SPIRE1: variants seen among roughly 807,000 people sequenced by gnomAD.
SPIRE1 encodes spire type actin nucleation factor 1.
A neutral mutation model predicts 94.1 loss-of-function variants in SPIRE1; 40 were observed. That is an observed-to-expected ratio of 0.43 (90% CI 0.33 to 0.55). The LOEUF (loss-of-function observed/expected upper bound fraction) is 0.55, where lower values mean the gene tolerates loss of function less well. Among genes scored for constraint, SPIRE1 ranks in the 20% least tolerant of loss-of-function variants. The probability of loss-of-function intolerance (pLI) is 0.06; values close to 1 mark genes in which losing one functional copy is unlikely to be tolerated. For missense variants in SPIRE1, 838 were observed against 975.2 expected, an observed-to-expected ratio of 0.86 and a Z score of 1.87; for synonymous variants, 376 against 371.7, an observed-to-expected ratio of 1.01 and a Z score of -0.13.
Position 12,546,808 on chromosome 18 carries a change from T to A in SPIRE1, c.469A>T (p.Ile157Phe). The A allele has an allele frequency of 6.2e-7, 1 of 1,614,138 alleles. No individual in the cohort carries two copies. The highest frequency in any genetic ancestry group is 8.5e-7 in the Non-Finnish European group (1 of 1,180,010). The stretch of plus-strand genomic sequence containing the variant: ...TCCACCGTGTTGGCCATGTGATCGA[T>A]AAGCTGCTCTAGGGGAGGGCTTAAT... ...RELSPPLEQL[I>F]DHMANTVEAD... is the part of the protein sequence containing the mutation. The change falls in exon 3 of 17, where the codon ATC becomes TTC. Residue 157 changes from isoleucine to phenylalanine, a missense_variant. Ile to Phe is a conservative substitution (Grantham distance 21). This residue lies in a region of SPIRE1 where 645 missense variants were observed against 804.7 expected (regional missense o/e 0.80). Coordinates refer to ENST00000409402, the MANE Select transcript of SPIRE1 (RefSeq NM_001128626.2).
chr18:12,615,345 A>ATAAAAAATAAAAAAATAT, intron 2 of SPIRE1, among the ~76,000 whole-genome samples: 1 of 17,244 alleles, frequency 5.8e-5, no homozygotes, highest in South Asian at 2.7e-3. Context: ...AAAAAAAAAA[A>ATAAAAAATAAAAAAATAT]ATATATATAT....
At chr18:12,486,065 C>CA in intron 8 of SPIRE1, 65 bp from the exon 9 acceptor site, 1 of 1,261,510 alleles carries the variant, frequency 7.9e-7, no homozygotes, top group Non-Finnish European at 1.1e-6. Context: ...ACAGAGAGGA[C>CA]AAAAAAGGGA....
At chr18:12,534,008 C>A (rs2144190667) in intron 4 of SPIRE1, among the ~76,000 whole-genome samples, 1 of 151,780 alleles carries the variant, frequency 6.6e-6, no homozygotes, top group Non-Finnish European at 1.5e-5. Flanking sequence ...CTTTTTTCCA[C>A]TCTGTTGACA....
intron 1 of SPIRE1, among the ~76,000 whole-genome samples, chr18:12,654,962 AG>A (rs1446585858): frequency 1.3e-5 from 2 of 151,646 alleles, no homozygotes; most frequent in African/African-American, 4.8e-5. Context: ...CAGGAGGCAG[AG>A]GTTGCAGTGA....
chr18:12,449,592 C>T lies in SPIRE1; in HGVS notation c.*46G>A, dbSNP rs751472693. The T allele has an allele frequency of 2.5e-6, 4 of 1,588,514 alleles. No individual in the cohort carries two copies. The Admixed American group carries it at 6.9e-5, about 28-fold the overall frequency. ...GCCAGCCCGGCTCAGTGTCCTCGCG[C>T]ACGGACGCTGACTCGTAGCACAAAA... On this transcript the variant is annotated 3_prime_UTR_variant, in exon 17 of 17. Coordinates refer to ENST00000409402, the MANE Select transcript of SPIRE1 (RefSeq NM_001128626.2).
At chr18:12,508,304 G>T (rs948394708) in intron 5 of SPIRE1, among the ~76,000 whole-genome samples, 4 of 152,078 alleles carry the variant, frequency 2.6e-5, no homozygotes, top group African/African-American at 9.7e-5. Flanking sequence ...TTAAAAAAAT[G>T]TTGGGTTTGG....
At chr18:12,596,915 C>T (rs1157774140) in intron 2 of SPIRE1, among the ~76,000 whole-genome samples, 1 of 145,852 alleles carries the variant, frequency 6.9e-6, no homozygotes, top group Non-Finnish European at 1.5e-5. Context: ...TTTCCTCCTT[C>T]ACCTGCACTG....
At chr18:12,486,197 G>A (rs1450977725) in intron 8 of SPIRE1, among the ~76,000 whole-genome samples, 197 bp from the exon 9 acceptor site, 2 of 152,128 alleles carry the variant, frequency 1.3e-5, no homozygotes, top group African/African-American at 4.8e-5. Flanking sequence ...ATATCACTAA[G>A]ACTTCAAATG....
At chr18:12,658,275 CAGAGTCGCAGGCGGTG>C (rs1234892183), upstream of SPIRE1, 13 of 454,360 alleles carry the variant, frequency 2.9e-5, no homozygotes, top group Non-Finnish European at 5.6e-5. Context: ...GCAGGGCTCT[CAGAGTCGCAGGCGGTG>C]ACGCCCGGTC....
At chr18:12,495,277 A>C (rs1052824946) in intron 7 of SPIRE1, among the ~76,000 whole-genome samples, 15 of 152,226 alleles carry the variant, frequency 9.9e-5, no homozygotes, top group African/African-American at 3.6e-4. Flanking sequence ...GTTCCAACAG[A>C]TTAGAATATT....
chr18:12,557,135 G>A (rs544115304), intron 2 of SPIRE1, among the ~76,000 whole-genome samples: 21 of 152,328 alleles, frequency 1.4e-4, no homozygotes, highest in East Asian at 3.9e-4. Context: ...CCAGTCCTGC[G>A]CCACACGCCC....
chr18:12,472,865 T>C (rs1286351905), intron 10 of SPIRE1, among the ~76,000 whole-genome samples: 2 of 152,206 alleles, frequency 1.3e-5, no homozygotes, highest in African/African-American at 4.8e-5. Context: ...TGATCTTGGC[T>C]CACTGCAACC....
intron 1 of SPIRE1, among the ~76,000 whole-genome samples, chr18:12,641,832 C>CT (rs576748359): frequency 0.034 from 4,224 of 125,120 alleles, 184 homozygotes; most frequent in African/African-American, 0.093. Flanking sequence ...GAATGTTATG[C>CT]TTTTTTTTTT....
chr18:12,456,900 T>A (rs2031532445), intron 12 of SPIRE1, among the ~76,000 whole-genome samples: 1 of 152,216 alleles, frequency 6.6e-6, no homozygotes. Context: ...CACAGTGGCA[T>A]GATCTTGGCT....
chr18:12,554,585 CT>C (rs1232038367), intron 2 of SPIRE1, among the ~76,000 whole-genome samples: 1 of 150,188 alleles, frequency 6.7e-6, no homozygotes, highest in Non-Finnish European at 1.5e-5. Flanking sequence ...AATACCAATC[CT>C]TCTCAAACTA....
At chr18:12,633,406 G>A (rs1343993663) in intron 2 of SPIRE1, among the ~76,000 whole-genome samples, 1 of 151,792 alleles carries the variant, frequency 6.6e-6, no homozygotes, top group African/African-American at 2.4e-5. Flanking sequence ...GTAAAACCCC[G>A]TCTTCACTAA....
At chr18:12,561,856 T>C (rs1466545986) in intron 2 of SPIRE1, among the ~76,000 whole-genome samples, 2 of 15,224 alleles carry the variant, frequency 1.3e-4, no homozygotes, top group Non-Finnish European at 2.3e-4. Flanking sequence ...CATAGTCTCA[T>C]ATCAGTTCGG....
intron 2 of SPIRE1, among the ~76,000 whole-genome samples, chr18:12,620,125 C>A (rs2037425402): frequency 6.6e-6 from 1 of 152,044 alleles, no homozygotes. Flanking sequence ...CCTGCCTAGG[C>A]AACATAACAA....
intron 2 of SPIRE1, among the ~76,000 whole-genome samples, chr18:12,625,471 T>A (rs961712866): frequency 7.9e-5 from 12 of 152,226 alleles, no homozygotes; most frequent in Non-Finnish European, 1.8e-4. Flanking sequence ...TGTGATGCAA[T>A]TCCATTTACA....
Sources: allele counts gnomAD v4.1 joint callset (sites outside exome capture counted in the v4.1 genomes callset), GRCh38; gene constraint gnomAD v4.1.1; regional missense constraint gnomAD v4.1.1; transcripts MANE v1.5; gene names NCBI Gene and HGNC (gene_info 2026-07-23, HGNC 2026-07-21).